PDE8B: variants seen among roughly 807,000 people sequenced by gnomAD.
The protein encoded by PDE8B is high affinity cAMP-specific and IBMX-insensitive 3',5'-cyclic phosphodiesterase 8B.
Under a neutral mutation model 101.3 loss-of-function variants are expected in PDE8B, and 26 were observed. The observed-to-expected ratio is 0.26, with a 90% CI of 0.19 to 0.36. The LOEUF (loss-of-function observed/expected upper bound fraction) is 0.36. Ranked by LOEUF, PDE8B falls within the 10% of genes least tolerant of loss-of-function variation. The probability of loss-of-function intolerance (pLI) is 1.00; values close to 1 mark genes in which losing one functional copy is unlikely to be tolerated. For missense variants in PDE8B, 810 were observed against 1,163.1 expected, an observed-to-expected ratio of 0.70 and a Z score of 4.42; for synonymous variants, 424 against 429.3, an observed-to-expected ratio of 0.99 and a Z score of 0.15.
the PDE8B span, among the ~76,000 whole-genome samples, chr5:77,196,869 T>C: frequency 6.6e-6 from 1 of 152,176 alleles, no homozygotes; most frequent in Non-Finnish European, 1.5e-5. Flanking sequence ...ACTTCTTTAG[T>C]AGAGGGAAAT....
intron 1 of PDE8B, among the ~76,000 whole-genome samples, chr5:77,220,967 C>T (rs1277759954): frequency 6.6e-6 from 1 of 152,184 alleles, no homozygotes; most frequent in Non-Finnish European, 1.5e-5. Context: ...ATCTGCTCAA[C>T]CGTCCTGTTT....
chr5:77,361,195 A>G (rs1319018670), intron 10 of PDE8B, among the ~76,000 whole-genome samples: 1 of 152,220 alleles, frequency 6.6e-6, no homozygotes, highest in African/African-American at 2.4e-5. Flanking sequence ...CTCCACATTC[A>G]GTGACATCAT....
chr5:77,308,773 A>G (rs1771838294), intron 1 of PDE8B, among the ~76,000 whole-genome samples: 1 of 152,172 alleles, frequency 6.6e-6, no homozygotes, highest in Admixed American at 6.5e-5. Flanking sequence ...AGGAATGTTC[A>G]CAGTCATCAG....
intron 10 of PDE8B, among the ~76,000 whole-genome samples, chr5:77,377,544 G>A (rs369349553): frequency 1.4e-4 from 22 of 152,344 alleles, no homozygotes; most frequent in Middle Eastern, 3.4e-3. Flanking sequence ...AAAAGTAGAT[G>A]TGATGCTTAG....
intron 11 of PDE8B, among the ~76,000 whole-genome samples, chr5:77,403,970 C>T (rs1581513129): frequency 6.6e-6 from 1 of 150,856 alleles, no homozygotes; most frequent in East Asian, 1.9e-4. Context: ...AGGCATGCAC[C>T]ACCATGCCTG....
intron 1 of PDE8B, among the ~76,000 whole-genome samples, chr5:77,227,380 A>G (rs542883814): frequency 2.1e-4 from 32 of 152,316 alleles, no homozygotes; most frequent in African/African-American, 7.7e-4. Flanking sequence ...TTGTACATGA[A>G]TGGGTGAGAT....
chr5:77,405,215 G>A (rs1315430258), intron 12 of PDE8B, among the ~76,000 whole-genome samples: 2 of 152,234 alleles, frequency 1.3e-5, no homozygotes, highest in Non-Finnish European at 2.9e-5. Flanking sequence ...CAGAGAAATC[G>A]TGAGGCAGAA....
the PDE8B span, among the ~76,000 whole-genome samples, chr5:77,170,114 G>A: frequency 4.6e-5 from 7 of 152,128 alleles, no homozygotes; most frequent in Admixed American, 2.0e-4. Context: ...TCTGGATGCC[G>A]CTTCCTAAGA....
At chr5:77,388,078 C>A (rs1789115526) in intron 10 of PDE8B, among the ~76,000 whole-genome samples, 1 of 152,136 alleles carries the variant, frequency 6.6e-6, no homozygotes, top group African/African-American at 2.4e-5. Context: ...CTACTTCTGT[C>A]AATTCGTCAA....
At chr5:77,197,109 C>CTTTTTTTTT in the PDE8B span, among the ~76,000 whole-genome samples, 1 of 94,670 alleles carries the variant, frequency 1.1e-5, no homozygotes, top group African/African-American at 3.6e-5. Flanking sequence ...TTAAAAAAAA[C>CTTTTTTTTT]TTTTTTTTTT....
chr5:77,239,685 C>T (rs960246441), intron 1 of PDE8B, among the ~76,000 whole-genome samples: 2 of 152,186 alleles, frequency 1.3e-5, no homozygotes, highest in Non-Finnish European at 2.9e-5. Context: ...ATCTCTTATG[C>T]TTATGTAACT....
intron 1 of PDE8B, among the ~76,000 whole-genome samples, chr5:77,251,255 T>A (rs866486361): frequency 3.9e-5 from 6 of 152,382 alleles, no homozygotes; most frequent in Middle Eastern, 3.4e-3. Context: ...GAAGGTCATC[T>A]GTATTTTTTT....
chr5:77,333,834 A>G (rs1231308110), intron 5 of PDE8B, among the ~76,000 whole-genome samples: 1 of 152,236 alleles, frequency 6.6e-6, no homozygotes, highest in Admixed American at 6.5e-5. Flanking sequence ...GCCACTATCC[A>G]GACATGTTAC....
At chr5:77,407,836 A>G (rs1053077834) in intron 13 of PDE8B, among the ~76,000 whole-genome samples, 4 of 152,204 alleles carry the variant, frequency 2.6e-5, no homozygotes, top group Non-Finnish European at 5.9e-5. Context: ...GGACTGGAAC[A>G]TTTAAGGAGC....
intron 18 of PDE8B, among the ~76,000 whole-genome samples, chr5:77,418,682 T>C (rs1050241889): frequency 3.3e-5 from 5 of 152,228 alleles, no homozygotes; most frequent in African/African-American, 1.2e-4. Context: ...ACTACATAAA[T>C]ATTGATTGTA....
chr5:77,137,075 C>G, the PDE8B span, among the ~76,000 whole-genome samples: 1 of 152,200 alleles, frequency 6.6e-6, no homozygotes, highest in South Asian at 2.1e-4. Flanking sequence ...TCACCTTTCT[C>G]TATTCCGCTA....
rs754230894 is a variant in PDE8B, at chr5:77,320,909, G to A, written c.400-4630G>A. Among the ~76,000 whole-genome samples, 38 of 152,236 alleles carry A rather than the reference G, an allele frequency of 2.5e-4. No homozygotes were observed. The Middle Eastern group carries it at 0.01, about 41-fold the overall frequency. On this transcript the variant is annotated intron_variant, in intron 2 of 21. Transcript: ENST00000264917. ...ATACACAGAATATTAAAGCTGAAGA[G>A]GGAATGCATTACTTAAGTTTTGTTT...
At chr5:77,266,738 A>C (rs1761787161) in intron 1 of PDE8B, among the ~76,000 whole-genome samples, 1 of 152,170 alleles carries the variant, frequency 6.6e-6, no homozygotes, top group Admixed American at 6.5e-5. Context: ...TGACTTGATA[A>C]AACATAACTA....
intron 1 of PDE8B, among the ~76,000 whole-genome samples, chr5:77,247,128 C>T (rs985237044): frequency 6.6e-6 from 1 of 152,226 alleles, no homozygotes; most frequent in Non-Finnish European, 1.5e-5. Context: ...CAACAGGGCC[C>T]TACTGGCCCC....
Sources: allele counts gnomAD v4.1 joint callset (sites outside exome capture counted in the v4.1 genomes callset), GRCh38; gene constraint gnomAD v4.1.1; transcripts MANE v1.5; gene names NCBI Gene and HGNC (gene_info 2026-07-23, HGNC 2026-07-21).